Variants in ARMH4 observed in about 807,000 individuals in gnomAD.
ARMH4 encodes the protein armadillo like helical domain containing 4, also known as armadillo-like helical domain-containing protein 4.
A neutral mutation model predicts 61.9 loss-of-function variants in ARMH4; 49 were observed. The observed-to-expected ratio is 0.79, with a 90% CI of 0.63 to 1.00. ARMH4 has a LOEUF of 1.00. Among genes scored for constraint, ARMH4 ranks in the 50% least tolerant of loss-of-function variants. The pLI, the probability that ARMH4 is intolerant of heterozygous loss-of-function variation, is 0.00. For synonymous variants in ARMH4, 368 were observed against 341.5 expected (o/e 1.08, Z -0.85); for missense variants, 934 against 930.0 (o/e 1.00, Z -0.06).
At chr14:58,092,153 T>A (rs1386475886) in intron 5 of ARMH4, among the ~76,000 whole-genome samples, 1 of 152,194 alleles carries the variant, frequency 6.6e-6, no homozygotes, top group Non-Finnish European at 1.5e-5. Flanking sequence ...TTTTAAAAAT[T>A]TATATGGGTT....
At chr14:58,079,583 G>A (rs1159895982) in intron 5 of ARMH4, among the ~76,000 whole-genome samples, 1 of 151,992 alleles carries the variant, frequency 6.6e-6, no homozygotes, top group African/African-American at 2.4e-5. Context: ...AACCATAGTA[G>A]GTATAGAGAA....
At chr14:58,136,450 A>G (rs976600148) in intron 2 of ARMH4, among the ~76,000 whole-genome samples, 1 of 152,206 alleles carries the variant, frequency 6.6e-6, no homozygotes, top group African/African-American at 2.4e-5. Flanking sequence ...AACTCCATGT[A>G]AAAACCAACT....
At chr14:58,099,523 G>T (rs1885883676) in intron 4 of ARMH4, among the ~76,000 whole-genome samples, 1 of 152,146 alleles carries the variant, frequency 6.6e-6, no homozygotes, top group African/African-American at 2.4e-5. Context: ...TGTTTTGGAG[G>T]AATGATATAG....
chr14:58,005,671 C>A (rs1482110338), intron 6 of ARMH4, among the ~76,000 whole-genome samples: 1 of 152,080 alleles, frequency 6.6e-6, no homozygotes, highest in Non-Finnish European at 1.5e-5. Context: ...CCCTCTCTGT[C>A]TGTCTTGGCT....
intron 6 of ARMH4, among the ~76,000 whole-genome samples, chr14:58,009,807 C>CA (rs1180997628): frequency 0.011 from 476 of 44,920 alleles, 11 homozygotes; most frequent in African/African-American, 0.015. Context: ...CAAGACTCTG[C>CA]AAAAAAAAAA....
chr14:58,032,175 A>T (rs1883264490), intron 5 of ARMH4, among the ~76,000 whole-genome samples: 1 of 152,110 alleles, frequency 6.6e-6, no homozygotes, highest in African/African-American at 2.4e-5. Flanking sequence ...CATCTGGAGA[A>T]CCCAGATGAG....
At chr14:58,021,856 A>G (rs6573184) in intron 5 of ARMH4, among the ~76,000 whole-genome samples, 87,863 of 151,990 alleles carry the variant, frequency 0.58, 25,532 homozygotes, top group East Asian at 0.68. Context: ...ACCTTTGTTC[A>G]GGTTAGCCTT....
At chr14:58,124,894 A>G (rs756971032) in intron 4 of ARMH4, among the ~76,000 whole-genome samples, 9 of 152,232 alleles carry the variant, frequency 5.9e-5, no homozygotes, top group Non-Finnish European at 1.2e-4. Flanking sequence ...CTTGGGCACT[A>G]AAATTAGGAG....
intron 5 of ARMH4, among the ~76,000 whole-genome samples, chr14:58,033,102 CACAG>C (rs1007172660): frequency 1.1e-5 from 1 of 89,538 alleles, no homozygotes; most frequent in African/African-American, 4.3e-5. Flanking sequence ...GGGGGCAGGG[CACAG>C]ACAAACAAAA....
chr14:58,080,650 C>T (rs1487178228), intron 5 of ARMH4, among the ~76,000 whole-genome samples: 1 of 152,138 alleles, frequency 6.6e-6, no homozygotes, highest in Non-Finnish European at 1.5e-5. Flanking sequence ...TACTCACCAC[C>T]TGGGTGATGG....
chr14:58,014,592 G>A (rs896080512), intron 5 of ARMH4, among the ~76,000 whole-genome samples: 18 of 152,100 alleles, frequency 1.2e-4, no homozygotes, highest in Non-Finnish European at 2.5e-4. Flanking sequence ...TTGTAAATAC[G>A]TCTCATTTAA....
At chr14:58,032,909 G>A (rs1288002830) in intron 5 of ARMH4, among the ~76,000 whole-genome samples, 1 of 151,378 alleles carries the variant, frequency 6.6e-6, no homozygotes, top group Admixed American at 6.6e-5. Context: ...CTACGCCCAC[G>A]GAATCTCGCT....
chr14:58,127,258 C>T (rs1886925133), intron 4 of ARMH4, among the ~76,000 whole-genome samples: 1 of 152,118 alleles, frequency 6.6e-6, no homozygotes, highest in Non-Finnish European at 1.5e-5. Context: ...CTCCCATAAT[C>T]CCCATGTGCC....
Position 58,138,018 on chromosome 14 carries a change from T to C in ARMH4, c.1341A>G (p.Ala447=). 1 of 1,609,796 alleles carries C rather than the reference T, an allele frequency of 6.2e-7. No homozygotes were observed. The change falls in exon 2 of 8, where the codon GCA becomes GCG. Residue 447 remains alanine (A), a synonymous_variant. Coordinates refer to ENST00000267485, the MANE Select transcript of ARMH4 (RefSeq NM_001001872.4). Reference sequence around the variant, plus strand: ...TCATTGTATTTCCCAACAGTTGGTCTGCCTCAGACTCATATACAGAGACAG... The same window carrying C: ...TCATTGTATTTCCCAACAGTTGGTCCGCCTCAGACTCATATACAGAGACAG... ...TVSVSVYESE[A]DQLLGNTMKD...
chr14:58,019,416 A>AT lies in ARMH4; in HGVS notation c.2090-7267dup, dbSNP rs1223402242. Among the ~76,000 whole-genome samples the AT allele has an allele frequency of 1.3e-5, 2 of 152,066 alleles. 1 individual carries two copies. Among genetic ancestry groups the AT allele is most frequent in the Admixed American group, 1.3e-4 (2 of 15,252 alleles). On this transcript the variant is annotated intron_variant, in intron 5 of 7. Coordinates refer to ENST00000267485, the MANE Select transcript of ARMH4 (RefSeq NM_001001872.4). ...ATTTTTATTTGTCAATTAAAAACTA[A>AT]TTTTTTTATAAAAAAGTAGTCATGG...
intron 5 of ARMH4, among the ~76,000 whole-genome samples, chr14:58,028,636 G>A (rs1207238937): frequency 1.3e-5 from 2 of 152,172 alleles, no homozygotes; most frequent in Non-Finnish European, 2.9e-5. Context: ...CCATGTTGGT[G>A]TTAAACATCC....
At chr14:58,053,591 CT>C (rs1436118033) in intron 5 of ARMH4, among the ~76,000 whole-genome samples, 1 of 152,222 alleles carries the variant, frequency 6.6e-6, no homozygotes, top group Non-Finnish European at 1.5e-5. Flanking sequence ...GCCAAGGCCC[CT>C]GGTAGAAGAT....
At chr14:58,030,178 T>C (rs552318889) in intron 5 of ARMH4, among the ~76,000 whole-genome samples, 3 of 152,094 alleles carry the variant, frequency 2.0e-5, no homozygotes, top group South Asian at 2.1e-4. Context: ...GTGGGTGCCA[T>C]AGAGAGGGGA....
intron 6 of ARMH4, among the ~76,000 whole-genome samples, chr14:58,011,840 T>G (rs1882421051): frequency 6.6e-6 from 1 of 151,596 alleles, no homozygotes; most frequent in South Asian, 2.1e-4. Context: ...CCTTGATATG[T>G]CAATGATATT....
Sources: gnomAD v4.1 joint callset for allele counts (sites outside exome capture counted in the v4.1 genomes callset) on GRCh38, gnomAD v4.1.1 for gene constraint, MANE v1.5 for transcripts, NCBI Gene and HGNC (gene_info 2026-07-23, HGNC 2026-07-21) for gene names.